Variants in CCDC178 observed in about 807,000 individuals in gnomAD.
The protein encoded by CCDC178 is coiled-coil domain-containing protein 178.
CCDC178 carries 126 observed loss-of-function variants against 117.4 expected under a neutral mutation model. The observed-to-expected ratio is 1.07, with a 90% CI of 0.93 to 1.24. The LOEUF is 1.24. Ranked by LOEUF, CCDC178 falls within the 50% of genes most tolerant of loss-of-function variation. The probability of loss-of-function intolerance (pLI) is 0.00; values close to 1 mark genes in which losing one functional copy is unlikely to be tolerated. For synonymous variants in CCDC178, 283 were observed against 313.4 expected, an observed-to-expected ratio of 0.90 and a Z score of 1.02; for missense variants, 1,030 against 986.9, an observed-to-expected ratio of 1.04 and a Z score of -0.59.
At chr18:33,208,556 A>G (rs186070578) in intron 20 of CCDC178, among the ~76,000 whole-genome samples, 258 of 152,172 alleles carry the variant, frequency 1.7e-3, no homozygotes, top group Non-Finnish European at 3.2e-3. Flanking sequence ...TCGGTCATTC[A>G]ACATTGAGTG....
intron 20 of CCDC178, among the ~76,000 whole-genome samples, chr18:33,143,703 A>G (rs2058236331): frequency 6.6e-6 from 1 of 152,164 alleles, no homozygotes; most frequent in South Asian, 2.1e-4. Context: ...TCAGCAAAGT[A>G]GCAGGCTTGT....
chr18:33,210,773 T>A (rs1190231509), intron 20 of CCDC178, among the ~76,000 whole-genome samples: 5 of 152,048 alleles, frequency 3.3e-5, no homozygotes, highest in Admixed American at 6.6e-5. Context: ...AGGCATCACG[T>A]ATTGCCACTA....
intron 20 of CCDC178, among the ~76,000 whole-genome samples, chr18:33,189,825 A>G (rs965057505): frequency 1.3e-5 from 2 of 152,200 alleles, no homozygotes; most frequent in African/African-American, 4.8e-5. Flanking sequence ...ATAAGATTCC[A>G]GTTTAGAGTA....
chr18:32,975,020 T>C (rs1028253024), intron 21 of CCDC178, among the ~76,000 whole-genome samples: 1 of 152,176 alleles, frequency 6.6e-6, no homozygotes, highest in East Asian at 1.9e-4. Context: ...CCTTGGGACA[T>C]ATTGAACCTT....
At position 33,214,872 on chromosome 18, in the gene CCDC178, T is replaced by C. The variant is rs1349305521; in HGVS notation, c.2078+678A>G. On this transcript the variant is annotated intron_variant, in intron 19 of 22. Coordinates refer to ENST00000383096, the MANE Select transcript of CCDC178 (RefSeq NM_001105528.4). ...TTTGCTAATGCTTGTAGTAACCTTC[T>C]TTATTTAAAGCAGACTGTTGTCCCT... 3.9e-5 allele frequency among the ~76,000 whole-genome samples: 6 copies of C among 152,034 alleles called. No homozygotes were observed. The South Asian group carries it at 1.0e-3, about 26-fold the overall frequency.
chr18:32,984,522 T>C (rs1880518276), intron 21 of CCDC178, among the ~76,000 whole-genome samples: 1 of 149,346 alleles, frequency 6.7e-6, no homozygotes, highest in Non-Finnish European at 1.5e-5. Flanking sequence ...TGCATTCTGG[T>C]AGATTTTGAT....
intron 15 of CCDC178, among the ~76,000 whole-genome samples, chr18:33,239,212 AAAGAG>A (rs1161020797): frequency 1.3e-5 from 2 of 152,056 alleles, no homozygotes; most frequent in African/African-American, 4.8e-5. Context: ...TACACAGTAG[AAAGAG>A]AAAAGAGTCA....
rs896995613 is a variant in CCDC178, at chr18:33,071,238, A to G, written c.2388+21523T>C. Among the ~76,000 whole-genome samples, 14 of 152,250 alleles carry G rather than the reference A, an allele frequency of 9.2e-5. No individual in the cohort carries two copies. The South Asian group carries it at 1.0e-3, about 11-fold the overall frequency. On this transcript the variant is annotated intron_variant, in intron 21 of 22. Transcript: ENST00000383096. ...GGACGCATAGAGGAATGAATTGGTCATGTAGAAATTTAACAGAAAAGAAGA... is the reference window on the plus strand; with the variant it reads ...GGACGCATAGAGGAATGAATTGGTCGTGTAGAAATTTAACAGAAAAGAAGA...
intron 11 of CCDC178, among the ~76,000 whole-genome samples, chr18:33,301,185 G>T (rs1384270336): frequency 6.6e-6 from 1 of 152,150 alleles, no homozygotes; most frequent in Non-Finnish European, 1.5e-5. Flanking sequence ...CACTCTGGAG[G>T]GTACAAGCCA....
chr18:33,416,197 G>C (rs113535805), intron 2 of CCDC178, among the ~76,000 whole-genome samples: 1,710 of 152,298 alleles, frequency 0.011, 29 homozygotes, highest in African/African-American at 0.039. Context: ...GGAGGCCGAG[G>C]CGGGTGGATC....
intron 20 of CCDC178, among the ~76,000 whole-genome samples, chr18:33,142,953 C>G (rs1760258547): frequency 6.6e-6 from 1 of 151,934 alleles, no homozygotes; most frequent in Admixed American, 6.6e-5. Context: ...ATTTTTTTAA[C>G]AAAAGCATAA....
At chr18:33,357,144 T>A (rs1430140038) in intron 6 of CCDC178, among the ~76,000 whole-genome samples, 1 of 152,110 alleles carries the variant, frequency 6.6e-6, no homozygotes, top group African/African-American at 2.4e-5. Flanking sequence ...AACCAATGTA[T>A]AACTTGCATG....
At chr18:33,321,555 G>C (rs948047444) in intron 11 of CCDC178, among the ~76,000 whole-genome samples, 1 of 151,796 alleles carries the variant, frequency 6.6e-6, no homozygotes, top group East Asian at 1.9e-4. Context: ...GTAATAACTA[G>C]AGTAAAATTT....
intron 21 of CCDC178, among the ~76,000 whole-genome samples, chr18:33,054,251 A>G (rs576991891): frequency 1.3e-5 from 2 of 152,252 alleles, no homozygotes; most frequent in East Asian, 3.9e-4. Context: ...CAGTCATTAC[A>G]CATTTTTCTT....
At chr18:33,079,766 G>A (rs1306545476) in intron 21 of CCDC178, among the ~76,000 whole-genome samples, 2 of 152,162 alleles carry the variant, frequency 1.3e-5, no homozygotes, top group African/African-American at 4.8e-5. Context: ...TTATTAAAAG[G>A]TCACAATATA....
intron 20 of CCDC178, among the ~76,000 whole-genome samples, chr18:33,101,987 A>G (rs1194428014): frequency 6.6e-6 from 1 of 151,936 alleles, no homozygotes; most frequent in East Asian, 1.9e-4. Context: ...TATTTCTTTT[A>G]GAAATCTGTT....
chr18:33,183,615 A>G (rs1002045164), intron 20 of CCDC178, among the ~76,000 whole-genome samples: 1 of 152,086 alleles, frequency 6.6e-6, no homozygotes, highest in Non-Finnish European at 1.5e-5. Flanking sequence ...TACAGAAAAC[A>G]TTAACTGGTC....
At position 33,323,371 on chromosome 18, in the gene CCDC178, G is replaced by A. The variant is rs186945019; in HGVS notation, c.1022+120C>T. The A allele has an allele frequency of 5.2e-4, 272 of 519,210 alleles. 1 individual carries two copies. In the South Asian group the frequency reaches 0.012, roughly 23 times the overall value. 32.2% of individuals were successfully genotyped at this position (519,210 alleles called of 1,614,324 possible). ...ATAAACTTGGTGATAAGACAGGTAT[G>A]AATAATTTAAAATTTTATTTTTCTC... On this transcript the variant is annotated intron_variant, in intron 11 of 22. Coordinates refer to ENST00000383096, the MANE Select transcript of CCDC178 (RefSeq NM_001105528.4).
intron 10 of CCDC178, among the ~76,000 whole-genome samples, chr18:33,332,092 TTAAAC>T (rs2062677115): frequency 6.6e-6 from 1 of 152,172 alleles, no homozygotes; most frequent in Non-Finnish European, 1.5e-5. Flanking sequence ...AGTAGCTTGA[TTAAAC>T]TAAAAAATTG....
Sources: gnomAD v4.1 joint callset for allele counts (sites outside exome capture counted in the v4.1 genomes callset) on GRCh38, gnomAD v4.1.1 for gene constraint, MANE v1.5 for transcripts, NCBI Gene and HGNC (gene_info 2026-07-23, HGNC 2026-07-21) for gene names.